SHOC2: variants seen among roughly 807,000 people sequenced by gnomAD.
SHOC2 encodes the protein SHOC2 leucine rich repeat scaffold protein, also known as leucine-rich repeat protein SHOC-2.
SHOC2 carries 4 observed loss-of-function variants against 50.2 expected under a neutral mutation model. The observed-to-expected ratio is 0.08, with a 90% CI of 0.04 to 0.18. The LOEUF is 0.18. Ranked by LOEUF, SHOC2 falls within the 10% of genes least tolerant of loss-of-function variation. The probability of loss-of-function intolerance (pLI) is 1.00; values close to 1 mark genes in which losing one functional copy is unlikely to be tolerated. For synonymous variants in SHOC2, 218 were observed against 244.5 expected, an observed-to-expected ratio of 0.89 and a Z score of 1.01; for missense variants, 388 against 669.6, an observed-to-expected ratio of 0.58 and a Z score of 4.64.
intron 1 of SHOC2, among the ~76,000 whole-genome samples, chr10:110,945,043 A>G (rs557793463): frequency 1.8e-4 from 27 of 152,242 alleles, no homozygotes; most frequent in Admixed American, 8.5e-4. Flanking sequence ...TCCCAGTAAT[A>G]TGTCAGAGCT....
intron 2 of SHOC2, among the ~76,000 whole-genome samples, chr10:110,980,137 T>C (rs1030617140): frequency 2.6e-5 from 4 of 151,896 alleles, no homozygotes; most frequent in Non-Finnish European, 5.9e-5. Flanking sequence ...TGAAAAGCGT[T>C]GTTCTACCCC....
At chr10:110,996,055 T>C (rs1165930053) in intron 3 of SHOC2, among the ~76,000 whole-genome samples, 1 of 152,238 alleles carries the variant, frequency 6.6e-6, no homozygotes, top group Admixed American at 6.5e-5. Flanking sequence ...TTTGTGAAAA[T>C]ATACCACTGT....
At chr10:110,944,020 C>T (rs1847201395) in intron 1 of SHOC2, among the ~76,000 whole-genome samples, 1 of 152,210 alleles carries the variant, frequency 6.6e-6, no homozygotes, top group Non-Finnish European at 1.5e-5. Flanking sequence ...TCACCAGTCT[C>T]CTCTTTCTTG....
chr10:110,975,975 G>C (rs1682571867), intron 2 of SHOC2, among the ~76,000 whole-genome samples: 2 of 151,794 alleles, frequency 1.3e-5, no homozygotes, highest in African/African-American at 4.8e-5. Context: ...CAATGGCGCA[G>C]TCTTGGCTCA....
At chr10:110,984,485 C>T (rs1848041744) in intron 2 of SHOC2, among the ~76,000 whole-genome samples, 1 of 152,102 alleles carries the variant, frequency 6.6e-6, no homozygotes, top group African/African-American at 2.4e-5. Context: ...TCCTCTGATG[C>T]ACTAAAGTTT....
At chr10:110,933,568 T>C (rs1368180892) in intron 1 of SHOC2, among the ~76,000 whole-genome samples, 1 of 151,986 alleles carries the variant, frequency 6.6e-6, no homozygotes. Flanking sequence ...GTAGGGGAAA[T>C]ATATGAGGTG....
intron 1 of SHOC2, among the ~76,000 whole-genome samples, chr10:110,929,435 TATTTC>T: frequency 6.6e-6 from 1 of 152,318 alleles, no homozygotes; most frequent in East Asian, 1.9e-4. Context: ...GTGGGAATCT[TATTTC>T]ATATCAAAGC....
intron 1 of SHOC2, among the ~76,000 whole-genome samples, chr10:110,945,732 A>G (rs1210070027): frequency 6.6e-6 from 1 of 152,110 alleles, no homozygotes; most frequent in Non-Finnish European, 1.5e-5. Context: ...CCTGTGTGTG[A>G]ATACCTTTTC....
At chr10:110,928,273 C>T (rs1434046989) in intron 1 of SHOC2, among the ~76,000 whole-genome samples, 1 of 151,928 alleles carries the variant, frequency 6.6e-6, no homozygotes, top group East Asian at 1.9e-4. Flanking sequence ...GCTGAGATCA[C>T]ACTACTGCAC....
At chr10:110,940,172 T>C (rs960225799) in intron 1 of SHOC2, among the ~76,000 whole-genome samples, 1 of 152,160 alleles carries the variant, frequency 6.6e-6, no homozygotes, top group African/African-American at 2.4e-5. Context: ...GAGATAGACA[T>C]GTGGATTTTG....
chr10:110,938,204 C>T (rs1847066749), intron 1 of SHOC2, among the ~76,000 whole-genome samples: 1 of 152,134 alleles, frequency 6.6e-6, no homozygotes, highest in Non-Finnish European at 1.5e-5. Flanking sequence ...CTTCTGTTCT[C>T]TGATTTGAAC....
intron 2 of SHOC2, among the ~76,000 whole-genome samples, chr10:110,978,267 A>G (rs1362432819): frequency 1.3e-5 from 2 of 152,142 alleles, no homozygotes; most frequent in Non-Finnish European, 2.9e-5. Flanking sequence ...TAGTTGCATC[A>G]TGGTGGTAAA....
intron 1 of SHOC2, among the ~76,000 whole-genome samples, chr10:110,950,941 G>C (rs1417480768): frequency 6.6e-6 from 1 of 152,114 alleles, no homozygotes; most frequent in African/African-American, 2.4e-5. Flanking sequence ...ATTACCAGAA[G>C]AAAACAAAGG....
At chr10:110,952,656 C>T (rs181754268) in intron 1 of SHOC2, among the ~76,000 whole-genome samples, 5 of 152,096 alleles carry the variant, frequency 3.3e-5, no homozygotes, top group African/African-American at 1.2e-4. Flanking sequence ...ATCAACCTGT[C>T]GTCTAGGTTT....
chr10:110,962,878 AC>A (rs1316339576), intron 1 of SHOC2, among the ~76,000 whole-genome samples: 3 of 152,200 alleles, frequency 2.0e-5, no homozygotes, highest in African/African-American at 7.2e-5. Context: ...AGCATATGCC[AC>A]TTGCCTGAGG....
intron 2 of SHOC2, among the ~76,000 whole-genome samples, chr10:110,971,904 CACAT>C (rs1847789713): frequency 6.6e-6 from 1 of 151,764 alleles, no homozygotes; most frequent in Non-Finnish European, 1.5e-5. Flanking sequence ...ATATAACTGA[CACAT>C]ACATGTGTAT....
chr10:110,993,080 A>G (rs940033323), intron 3 of SHOC2, among the ~76,000 whole-genome samples: 1 of 152,242 alleles, frequency 6.6e-6, no homozygotes, highest in African/African-American at 2.4e-5. Context: ...AGAGAAAGCA[A>G]GCTGTCAAAG....
rs867770315 is a variant in SHOC2, at chr10:110,978,153, A to G, written c.704-7475A>G. ...TGCCTCCAGGCAGTAACCTGGGGCA[A>G]TCATGGGACTTCTGTTGTTTTCCTG... On this transcript the variant is annotated intron_variant, in intron 2 of 8. Coordinates refer to ENST00000369452, the MANE Select transcript of SHOC2 (RefSeq NM_007373.4). Among the ~76,000 whole-genome samples the G allele has an allele frequency of 3.9e-5, 6 of 152,178 alleles. No homozygotes were observed. In the South Asian group the frequency reaches 6.2e-4, roughly 16 times the overall value.
chr10:110,924,015 A>G (rs981473308), intron 1 of SHOC2, among the ~76,000 whole-genome samples: 2 of 151,952 alleles, frequency 1.3e-5, no homozygotes, highest in African/African-American at 4.8e-5. Context: ...GATCAGTTAC[A>G]TTTGGGTTTT....
Sources: gnomAD v4.1 joint callset for allele counts (sites outside exome capture counted in the v4.1 genomes callset) on GRCh38, gnomAD v4.1.1 for gene constraint, MANE v1.5 for transcripts, NCBI Gene and HGNC (gene_info 2026-07-23, HGNC 2026-07-21) for gene names.